Variants in JARID2 observed in about 807,000 individuals in gnomAD.
The protein encoded by JARID2 is jumonji and AT-rich interaction domain containing 2, also known as protein Jumonji.
In JARID2, 21 loss-of-function variants were observed where a neutral mutation model predicts 125.6. The ratio of observed to expected loss-of-function variants is 0.17; its 90% CI spans 0.12 to 0.24. The LOEUF is 0.24. Ranked by LOEUF, JARID2 falls within the 10% of genes least tolerant of loss-of-function variation. The pLI is 1.00. For missense variants in JARID2, 1,303 were observed against 1,639.6 expected (o/e 0.79, Z 3.55); for synonymous variants, 736 against 661.6 (o/e 1.11, Z -1.73).
At chr6:15,405,803 G>A (rs1016918393) in intron 2 of JARID2, among the ~76,000 whole-genome samples, 1 of 152,206 alleles carries the variant, frequency 6.6e-6, no homozygotes, top group Non-Finnish European at 1.5e-5. Context: ...GGAGAGAAAA[G>A]GCAGTACATT....
intron 1 of JARID2, among the ~76,000 whole-genome samples, chr6:15,282,843 G>C (rs139389277): frequency 0.067 from 10,117 of 152,006 alleles, 495 homozygotes; most frequent in Non-Finnish European, 0.096. Context: ...TCAAGTGATC[G>C]GTCCACCTCG....
At chr6:15,514,443 C>T (rs76302320) in intron 16 of JARID2, among the ~76,000 whole-genome samples, 2,366 of 152,332 alleles carry the variant, frequency 0.016, 62 homozygotes, top group African/African-American at 0.054. Context: ...CAGGTGCCCC[C>T]TTCGGCTGCA....
At chr6:15,377,200 A>T (rs575618994) in intron 2 of JARID2, among the ~76,000 whole-genome samples, 3 of 152,280 alleles carry the variant, frequency 2.0e-5, no homozygotes, top group African/African-American at 7.2e-5. Flanking sequence ...CTGGGAAGAA[A>T]AAGTGGTTTA....
In JARID2 at chr6:15,436,349, G is replaced by A. The variant is rs368350602; in HGVS notation, c.324-15657G>A. 1.2e-4 allele frequency among the ~76,000 whole-genome samples: 19 copies of A among 152,198 alleles called. 1 individual carries two copies. The highest frequency in any genetic ancestry group is 9.6e-4 in the East Asian group (5 of 5,190). On this transcript the variant is annotated intron_variant, in intron 3 of 17. Coordinates refer to ENST00000341776, the MANE Select transcript of JARID2 (RefSeq NM_004973.4). Reference sequence around the variant, plus strand: ...CCTGGAGGCGGGCTGCACGCTGGTCGATGGCTTACTGGCCTGCCAGTGCTC... The same window carrying A: ...CCTGGAGGCGGGCTGCACGCTGGTCAATGGCTTACTGGCCTGCCAGTGCTC...
chr6:15,463,442 TTTTC>T (rs150599504), intron 4 of JARID2, among the ~76,000 whole-genome samples: 50,152 of 106,062 alleles, frequency 0.47, 9,919 homozygotes, highest in African/African-American at 0.55. Flanking sequence ...TTTTTTTTTT[TTTTC>T]CGAGGTGGAG....
intron 12 of JARID2, chr6:15,509,143 T>C (rs991893115): frequency 7.8e-7 from 1 of 1,286,894 alleles, no homozygotes. Flanking sequence ...CATCCCTGAT[T>C]GAGGCTGGGT....
At chr6:15,351,637 CA>C (rs1320046060) in intron 1 of JARID2, among the ~76,000 whole-genome samples, 12 of 152,280 alleles carry the variant, frequency 7.9e-5, no homozygotes, top group Middle Eastern at 3.4e-3. Flanking sequence ...TTCTGGGAGC[CA>C]ATCCTATTCA....
intron 12 of JARID2, chr6:15,508,873 C>T: frequency 1.1e-6 from 1 of 930,646 alleles, no homozygotes; most frequent in Non-Finnish European, 1.5e-6. Flanking sequence ...AGTAAAAGTG[C>T]CACACAAAGC....
intron 1 of JARID2, among the ~76,000 whole-genome samples, chr6:15,311,988 T>C (rs1762030119): frequency 6.6e-6 from 1 of 152,132 alleles, no homozygotes; most frequent in Non-Finnish European, 1.5e-5. Flanking sequence ...ACCTAAAAAA[T>C]TGTCATAGCT....
At chr6:15,251,982 G>A (rs976411198) in intron 1 of JARID2, among the ~76,000 whole-genome samples, 3 of 151,956 alleles carry the variant, frequency 2.0e-5, no homozygotes, top group Non-Finnish European at 2.9e-5. Flanking sequence ...GGAGGCGGAG[G>A]TTGCAGTGAG....
chr6:15,391,249 G>T (rs1406580769), intron 2 of JARID2, among the ~76,000 whole-genome samples: 2 of 152,196 alleles, frequency 1.3e-5, no homozygotes, highest in Non-Finnish European at 2.9e-5. Flanking sequence ...AGGAAGGATT[G>T]CCTCTCTAGT....
chr6:15,488,573 A>G (rs887429059), intron 6 of JARID2, among the ~76,000 whole-genome samples: 3 of 152,238 alleles, frequency 2.0e-5, no homozygotes, highest in Non-Finnish European at 4.4e-5. Context: ...AGTGACTTAC[A>G]TGGTTATTGT....
intron 4 of JARID2, among the ~76,000 whole-genome samples, chr6:15,461,398 C>T (rs1561878077): frequency 1.3e-5 from 2 of 152,162 alleles, no homozygotes; most frequent in Non-Finnish European, 2.9e-5. Flanking sequence ...ATAGGCACAC[C>T]TGGGTGCTTG....
chr6:15,387,039 A>C (rs1250996184), intron 2 of JARID2, among the ~76,000 whole-genome samples: 1 of 152,264 alleles, frequency 6.6e-6, no homozygotes, highest in East Asian at 1.9e-4. Context: ...GAGTATTCGG[A>C]ATACTCAGCC....
intron 4 of JARID2, among the ~76,000 whole-genome samples, chr6:15,466,551 A>G (rs1224101338): frequency 6.6e-6 from 1 of 152,242 alleles, no homozygotes; most frequent in Non-Finnish European, 1.5e-5. Context: ...CGATAGTAAA[A>G]TAATTTGAAT....
chr6:15,415,706 C>A (rs1186725967), intron 3 of JARID2, among the ~76,000 whole-genome samples: 3 of 139,214 alleles, frequency 2.2e-5, no homozygotes, highest in African/African-American at 8.1e-5. Context: ...GACCCCCCCA[C>A]CTCCTTCCCG....
chr6:15,436,893 T>G (rs1244267418), intron 3 of JARID2, among the ~76,000 whole-genome samples: 1 of 152,056 alleles, frequency 6.6e-6, no homozygotes, highest in African/African-American at 2.4e-5. Context: ...AGAATGAGGT[T>G]CAAGTGGACT....
At chr6:15,507,501 A>G (rs1771060092) in intron 11 of JARID2, 85 bp downstream of exon 11, 18 of 1,146,964 alleles carry the variant, frequency 1.6e-5, no homozygotes, top group Non-Finnish European at 2.3e-5. Flanking sequence ...AATCCCTTCT[A>G]AGCACTGCCG....
chr6:15,415,465 C>CTCCT (rs1766112499), intron 3 of JARID2, among the ~76,000 whole-genome samples: 4 of 148,340 alleles, frequency 2.7e-5, no homozygotes, highest in Non-Finnish European at 1.5e-5. Context: ...ACCTCCCTCC[C>CTCCT]GCACGGGGCG....
Sources: allele counts gnomAD v4.1 joint callset (sites outside exome capture counted in the v4.1 genomes callset), GRCh38; gene constraint gnomAD v4.1.1; transcripts MANE v1.5; gene names NCBI Gene and HGNC (gene_info 2026-07-23, HGNC 2026-07-21).